The following DEF6 variants were observed in gnomAD, a reference collection of about 807,000 sequenced individuals.
DEF6 encodes DEF6 guanine nucleotide exchange factor.
A neutral mutation model predicts 80.5 loss-of-function variants in DEF6; 32 were observed. That is an observed-to-expected ratio of 0.40 (90% CI 0.30 to 0.53). The LOEUF (loss-of-function observed/expected upper bound fraction) is 0.53. DEF6 is among the 20% of genes least tolerant of loss of function. DEF6 has a pLI of 0.57. For synonymous variants in DEF6, 300 were observed against 337.9 expected (o/e 0.89, Z 1.23); for missense variants, 575 against 818.7 (o/e 0.70, Z 3.63).
Position 35,312,790 on chromosome 6 carries a change from G to T in DEF6, c.807+18G>T, listed in dbSNP as rs1407999418. ...GCGTGGAGGTGAGGGGCAGGATGGGGGTGGAGGACATCTCAGGGCCCAGAG... is the reference window on the plus strand; with the variant it reads ...GCGTGGAGGTGAGGGGCAGGATGGGTGTGGAGGACATCTCAGGGCCCAGAG... On this transcript the variant is annotated intron_variant, in intron 5 of 10. Coordinates refer to ENST00000316637, the MANE Select transcript of DEF6 (RefSeq NM_022047.4). The surrounding 1 kb of genome is among the most constrained non-coding windows in gnomAD (Gnocchi z 6.6). 6 of 1,607,504 alleles carry T rather than the reference G, an allele frequency of 3.7e-6. No individual in the cohort carries two copies. Among genetic ancestry groups the T allele is most frequent in the Non-Finnish European group, 5.1e-6 (6 of 1,177,126 alleles).
At chr6:35,316,784 A>C (rs1791529746) in intron 5 of DEF6, among the ~76,000 whole-genome samples, 1 of 152,198 alleles carries the variant, frequency 6.6e-6, no homozygotes, top group Non-Finnish European at 1.5e-5. Context: ...CTATACTCAC[A>C]ATATTGTACA....
At chr6:35,303,839 A>G (rs893286002) in intron 1 of DEF6, among the ~76,000 whole-genome samples, 3 of 152,100 alleles carry the variant, frequency 2.0e-5, no homozygotes, top group Admixed American at 2.0e-4. Context: ...CCTACAAAAG[A>G]TAGAAAAATT....
intron 5 of DEF6, among the ~76,000 whole-genome samples, chr6:35,315,600 T>G (rs937158204): frequency 6.6e-6 from 1 of 152,156 alleles, no homozygotes; most frequent in African/African-American, 2.4e-5. Flanking sequence ...TCTCTCCATT[T>G]TTTTGCATCC....
rs1168421239 is a variant in DEF6, at chr6:35,303,142, G to A, written c.96+5190G>A. ...TCTGGAGAGAGGCCCTGAGTGTCTGGGCATTTAATTCTTCCTTGTCCTACT... is the reference window on the plus strand; with the variant it reads ...TCTGGAGAGAGGCCCTGAGTGTCTGAGCATTTAATTCTTCCTTGTCCTACT... On this transcript the variant is annotated intron_variant, in intron 1 of 10. Transcript: ENST00000316637. Among the ~76,000 whole-genome samples the A allele has an allele frequency of 3.9e-5, 6 of 152,240 alleles. No homozygotes were observed. The East Asian group carries it at 1.2e-3, about 29-fold the overall frequency.
chr6:35,314,566 T>G (rs1791504182), intron 5 of DEF6, among the ~76,000 whole-genome samples: 2 of 152,218 alleles, frequency 1.3e-5, no homozygotes, highest in Non-Finnish European at 2.9e-5. Flanking sequence ...GTATGTCTTC[T>G]TTTGAGAAAT....
chr6:35,311,876 G>T (rs1030205965), intron 3 of DEF6, among the ~76,000 whole-genome samples: 1 of 152,196 alleles, frequency 6.6e-6, no homozygotes, highest in Non-Finnish European at 1.5e-5. Flanking sequence ...TCAGAATCGG[G>T]TTCTGGCTGC....
intron 1 of DEF6, among the ~76,000 whole-genome samples, chr6:35,301,913 G>C (rs1266071368): frequency 6.6e-6 from 1 of 152,002 alleles, no homozygotes; most frequent in Non-Finnish European, 1.5e-5. Flanking sequence ...TTTTAGTAGA[G>C]CCGGGGTTTT....
Sources: gnomAD v4.1 joint callset for allele counts (sites outside exome capture counted in the v4.1 genomes callset) on GRCh38, gnomAD v4.1.1 for gene constraint, Gnocchi (gnomAD v3.1) non-coding constraint, MANE v1.5 for transcripts, NCBI Gene and HGNC (gene_info 2026-07-23, HGNC 2026-07-21) for gene names.